The following GABRB2 variants were observed in gnomAD, a reference collection of about 807,000 sequenced individuals.
GABRB2 encodes gamma-aminobutyric acid receptor subunit beta-2.
GABRB2 carries 16 observed loss-of-function variants against 54.7 expected under a neutral mutation model. That is an observed-to-expected ratio of 0.29 (90% CI 0.20 to 0.44). The LOEUF (loss-of-function observed/expected upper bound fraction) is 0.44. GABRB2 is among the 20% of genes least tolerant of loss of function. The pLI, the probability that GABRB2 is intolerant of heterozygous loss-of-function variation, is 1.00. For missense variants in GABRB2, 355 were observed against 644.0 expected, an observed-to-expected ratio of 0.55 and a Z score of 4.86; for synonymous variants, 244 against 233.8, an observed-to-expected ratio of 1.04 and a Z score of -0.40.
At chr5:161,387,028 G>A (rs921848437) in intron 5 of GABRB2, among the ~76,000 whole-genome samples, 1 of 151,838 alleles carries the variant, frequency 6.6e-6, no homozygotes, top group Non-Finnish European at 1.5e-5. Context: ...CTACCTCTGG[G>A]GAACGGGGGG....
intron 3 of GABRB2, among the ~76,000 whole-genome samples, chr5:161,468,086 C>A (rs187284856): frequency 1.1e-4 from 16 of 152,190 alleles, no homozygotes; most frequent in African/African-American, 3.9e-4. Context: ...TACAAACAAT[C>A]TAGTTTAAGG....
rs1448644190 is a variant in GABRB2 at position 161,350,224 on chromosome 5, G to T, written c.542-13455C>A. ...AGCAATTAGGCAAGAGAATATAAAA[G>T]GCATCCACATTAGAAAGGAAGAAGT... On this transcript the variant is annotated intron_variant, in intron 5 of 9. Transcript: ENST00000393959. Among the ~76,000 whole-genome samples the T allele has an allele frequency of 2.0e-5, 3 of 152,006 alleles. No homozygotes were observed. In the East Asian group the frequency reaches 5.8e-4, roughly 29 times the overall value.
At chr5:161,546,202 A>G (rs903774161) in intron 2 of GABRB2, 120 bp downstream of exon 2, 4 of 746,372 alleles carry the variant, frequency 5.4e-6, no homozygotes, top group Non-Finnish European at 9.2e-6. Flanking sequence ...ATATGGTAAA[A>G]TAGAGACACA....
chr5:161,392,863 TA>T (rs1205573504), intron 5 of GABRB2, among the ~76,000 whole-genome samples: 1 of 152,086 alleles, frequency 6.6e-6, no homozygotes, highest in African/African-American at 2.4e-5. Context: ...AGTAAATTCA[TA>T]AAAAAATTAT....
At position 161,405,204 on chromosome 5, in the gene GABRB2, C is replaced by T. The variant is rs1002287425; in HGVS notation, c.541+5771G>A. Among the ~76,000 whole-genome samples the T allele has an allele frequency of 5.3e-5, 8 of 151,982 alleles. 1 individual carries two copies. Among genetic ancestry groups the T allele is most frequent in the Admixed American group, 6.6e-5 (1 of 15,226 alleles). On this transcript the variant is annotated intron_variant, in intron 5 of 9. Coordinates refer to ENST00000393959, the MANE Select transcript of GABRB2 (RefSeq NM_001371727.1). ...TGTTCCTTCCTCAGGGTAAATGTTC[C>T]GTCCAACACTCCAGTTCCTTCTACT...
At chr5:161,437,552 G>C (rs1479261815) in intron 4 of GABRB2, among the ~76,000 whole-genome samples, 2 of 152,108 alleles carry the variant, frequency 1.3e-5, no homozygotes, top group African/African-American at 4.8e-5. Flanking sequence ...CTGGCGTCAG[G>C]TAACAGCATA....
At chr5:161,449,081 T>C (rs2113229899) in intron 4 of GABRB2, among the ~76,000 whole-genome samples, 1 of 152,262 alleles carries the variant, frequency 6.6e-6, no homozygotes, top group South Asian at 2.1e-4. Flanking sequence ...GTCTTCTCCA[T>C]CCATCAACAC....
chr5:161,487,834 C>G (rs1758974719), intron 3 of GABRB2, among the ~76,000 whole-genome samples: 1 of 151,836 alleles, frequency 6.6e-6, no homozygotes, highest in Non-Finnish European at 1.5e-5. Flanking sequence ...GAGAACTCTC[C>G]CACTGCTGTG....
chr5:161,506,312 C>A (rs1263422778), intron 3 of GABRB2, among the ~76,000 whole-genome samples: 2 of 152,038 alleles, frequency 1.3e-5, no homozygotes, highest in Non-Finnish European at 2.9e-5. Context: ...CAAATTTCCC[C>A]AGATTGATCT....
chr5:161,436,743 G>A (rs1757322701), intron 4 of GABRB2, among the ~76,000 whole-genome samples: 1 of 152,100 alleles, frequency 6.6e-6, no homozygotes, highest in South Asian at 2.1e-4. Context: ...CTGAAGAGAT[G>A]GAAAAAAGAG....
At chr5:161,387,080 A>G (rs1250060922) in intron 5 of GABRB2, among the ~76,000 whole-genome samples, 1 of 152,056 alleles carries the variant, frequency 6.6e-6, no homozygotes, top group African/African-American at 2.4e-5. Context: ...TTTTATATTT[A>G]TATATCATGA....
At chr5:161,425,409 T>C (rs142283630) in intron 4 of GABRB2, among the ~76,000 whole-genome samples, 151 of 152,148 alleles carry the variant, frequency 9.9e-4, no homozygotes, top group Non-Finnish European at 1.5e-3. Flanking sequence ...ATTCAGCAGG[T>C]TGGTGAACAT....
intron 5 of GABRB2, among the ~76,000 whole-genome samples, chr5:161,397,912 C>T (rs1756053303): frequency 6.6e-6 from 1 of 152,082 alleles, no homozygotes; most frequent in Admixed American, 6.5e-5. Flanking sequence ...CTTTGTGCCT[C>T]ATTTTATTCT....
intron 9 of GABRB2, among the ~76,000 whole-genome samples, chr5:161,298,478 G>A (rs1757445652): frequency 6.6e-6 from 1 of 152,190 alleles, no homozygotes; most frequent in African/African-American, 2.4e-5. Flanking sequence ...CTGGCACATA[G>A]CAGATGCTCA....
chr5:161,547,698 G>A (rs1403359252), upstream of GABRB2, among the ~76,000 whole-genome samples: 2 of 152,148 alleles, frequency 1.3e-5, no homozygotes, highest in Non-Finnish European at 2.9e-5. Context: ...GTGGAGGCGT[G>A]AGGGATGCGG....
rs35978513 is a variant in GABRB2, at chr5:161,309,632, A to AT, written c.1192-15205dup. Among the ~76,000 whole-genome samples, 288 of 145,568 alleles carry AT rather than the reference A, an allele frequency of 2.0e-3. 1 individual carries two copies. Among genetic ancestry groups the AT allele is most frequent in the East Asian group, 4.4e-3 (22 of 4,974 alleles). On this transcript the variant is annotated intron_variant, in intron 9 of 9. Coordinates refer to ENST00000393959, the MANE Select transcript of GABRB2 (RefSeq NM_001371727.1). ...TAAATGCCCATCAGTGATAGACTAA[A>AT]TTTTTTTTTTTTTTTTGAGATGGAG...
At chr5:161,514,427 A>T (rs952842093) in intron 3 of GABRB2, among the ~76,000 whole-genome samples, 2 of 152,198 alleles carry the variant, frequency 1.3e-5, no homozygotes, top group South Asian at 4.1e-4. Context: ...TAGAATAAGC[A>T]TCATAAGAGA....
chr5:161,415,447 A>T (rs750985188), intron 4 of GABRB2, among the ~76,000 whole-genome samples: 2 of 152,232 alleles, frequency 1.3e-5, no homozygotes, highest in Non-Finnish European at 2.9e-5. Context: ...AAGAAAACAA[A>T]TACATAGCAC....
At chr5:161,458,900 T>G (rs189054175) in intron 4 of GABRB2, among the ~76,000 whole-genome samples, 3 of 152,338 alleles carry the variant, frequency 2.0e-5, no homozygotes, top group African/African-American at 7.2e-5. Context: ...AAATCTGAGT[T>G]TAGAATTTCT....
Sources: allele counts gnomAD v4.1 joint callset (sites outside exome capture counted in the v4.1 genomes callset), GRCh38; gene constraint gnomAD v4.1.1; transcripts MANE v1.5; gene names NCBI Gene and HGNC (gene_info 2026-07-23, HGNC 2026-07-21).